The following MCFD2 variants were observed in gnomAD, a reference collection of about 807,000 sequenced individuals.
MCFD2 encodes multiple coagulation factor deficiency 2, ER cargo receptor complex subunit.
A neutral mutation model predicts 12.8 loss-of-function variants in MCFD2; 11 were observed. The ratio of observed to expected loss-of-function variants is 0.86; its 90% CI spans 0.54 to 1.42. MCFD2 has a LOEUF of 1.42. MCFD2 is among the 40% of genes most tolerant of loss of function. MCFD2 has a pLI of 0.00. For missense variants in MCFD2, 191 were observed against 178.6 expected, an observed-to-expected ratio of 1.07 and a Z score of -0.40; for synonymous variants, 70 against 68.1, an observed-to-expected ratio of 1.03 and a Z score of -0.14.
At chr2:46,928,459 T>TAA (rs35897582) in intron 1 of MCFD2, among the ~76,000 whole-genome samples, 29 of 81,978 alleles carry the variant, frequency 3.5e-4, no homozygotes, top group East Asian at 1.6e-3. Context: ...AAAGGGAAAT[T>TAA]AAAAAAAAAA....
intron 1 of MCFD2, among the ~76,000 whole-genome samples, chr2:46,930,543 A>G (rs567869163): frequency 1.4e-4 from 20 of 146,654 alleles, no homozygotes; most frequent in Non-Finnish European, 2.7e-4. Flanking sequence ...CTTGTACCCC[A>G]GGCTGGAATG....
chr2:46,924,988 G>A (rs975284470), intron 1 of MCFD2, among the ~76,000 whole-genome samples: 11 of 152,186 alleles, frequency 7.2e-5, no homozygotes, highest in African/African-American at 2.7e-4. Flanking sequence ...TGGCAAATGG[G>A]GTAGCTTGGA....
chr2:46,940,053 CGGG>C lies in MCFD2; in HGVS notation c.-8+1516_-8+1518del, dbSNP rs1670202911. Among the ~76,000 whole-genome samples the C allele has an allele frequency of 6.6e-6, 1 of 152,060 alleles. No individual in the cohort carries two copies. The highest frequency in any genetic ancestry group is 6.6e-5 in the Admixed American group (1 of 15,260). On this transcript the variant is annotated intron_variant, in intron 1 of 2. Coordinates refer to the MCFD2 transcript ENST00000409147. This position sits in a 1 kb window ranked among gnomAD's most constrained non-coding sequence, Gnocchi z 4.7. The stretch of plus-strand genomic sequence containing the variant: ...GAGAGGAGGGCCTCCACATGGGAGT[CGGG>C]GGTCAGTGGGAACAGGAAGACTGTC...
chr2:46,936,861 T>A (rs1238258295), intron 1 of MCFD2, among the ~76,000 whole-genome samples: 3 of 111,602 alleles, frequency 2.7e-5, no homozygotes, highest in Admixed American at 2.7e-4. Flanking sequence ...GATTCCAAAT[T>A]TTTTTTTTTT....
chr2:46,917,424 TCATC>T (rs1668869328), upstream of MCFD2: 3 of 564,338 alleles, frequency 5.3e-6, no homozygotes, highest in Non-Finnish European at 9.3e-6. Flanking sequence ...ATCCATCTCT[TCATC>T]CATTCATCCA....
chr2:46,915,806 G>GGGGGGGGGGGGGGC, upstream of MCFD2: 8 of 512,566 alleles, frequency 1.6e-5, no homozygotes, highest in Non-Finnish European at 1.3e-5. Context: ...CCTCGGCTTC[G>GGGGGGGGGGGGGGC]CCCCGCCCCC....
intron 3 of MCFD2, among the ~76,000 whole-genome samples, chr2:46,906,579 A>G (rs1162913309): frequency 7.3e-6 from 1 of 136,392 alleles, no homozygotes; most frequent in African/African-American, 2.8e-5. Flanking sequence ...TCGACCTCCC[A>G]GGCTCAGGTG....
chr2:46,920,176 TATTA>T (rs1448000604), upstream of MCFD2, among the ~76,000 whole-genome samples: 6 of 152,314 alleles, frequency 3.9e-5, no homozygotes, highest in Admixed American at 1.3e-4. Context: ...AAGGTATATA[TATTA>T]ATTATGTATA....
At chr2:46,939,707 A>G (rs1379220667) in intron 1 of MCFD2, among the ~76,000 whole-genome samples, 1 of 152,234 alleles carries the variant, frequency 6.6e-6, no homozygotes, top group East Asian at 1.9e-4. Flanking sequence ...CAGGAATGCC[A>G]GGCGTGGGGC....
At chr2:46,915,904 C>G (rs1182406566), upstream of MCFD2, 1 of 984,596 alleles carries the variant, frequency 1.0e-6, no homozygotes, top group African/African-American at 1.7e-5. Flanking sequence ...CGGCGGCGGG[C>G]TGTGAGGACG....
rs959728696 is a variant in MCFD2 at position 46,940,835 on chromosome 2, G to T, written c.-8+737C>A. On this transcript the variant is annotated intron_variant, in intron 1 of 2. Coordinates refer to the MCFD2 transcript ENST00000409147. This position sits in a 1 kb window ranked among gnomAD's most constrained non-coding sequence, Gnocchi z 4.7. ...GCCAGCTCCCGGGAGGCTCGCCGTC[G>T]GGGTTGGGGCCTGTCGGCCGGCCTC... Among the ~76,000 whole-genome samples, 1 of 152,136 alleles carries T rather than the reference G, an allele frequency of 6.6e-6. No individual in the cohort carries two copies. Among genetic ancestry groups the T allele is most frequent in the South Asian group, 2.1e-4 (1 of 4,834 alleles).
Position 46,941,751 on chromosome 2 carries a change from C to A in MCFD2, c.-187G>T. 1 of 1,547,314 alleles carries A rather than the reference C, an allele frequency of 6.5e-7. No individual in the cohort carries two copies. The highest frequency in any genetic ancestry group is 8.7e-7 in the Non-Finnish European group (1 of 1,145,750). ...GTGAGTAAGGGAAGAGGCTGGCTCGCCGGCAGCGAGCGCGCGAAACGCACC... is the reference window on the plus strand; with the variant it reads ...GTGAGTAAGGGAAGAGGCTGGCTCGACGGCAGCGAGCGCGCGAAACGCACC... On this transcript the variant is annotated 5_prime_UTR_variant, in exon 1 of 3. Transcript: ENST00000409147. This position sits in a 1 kb window ranked among gnomAD's most constrained non-coding sequence, Gnocchi z 4.2.
chr2:46,913,153 C>T (rs1668551745), intron 1 of MCFD2, among the ~76,000 whole-genome samples: 1 of 152,134 alleles, frequency 6.6e-6, no homozygotes, highest in Non-Finnish European at 1.5e-5. Flanking sequence ...TTGAACTTGT[C>T]TCATTTTGGT....
In MCFD2 at chr2:46,941,773, C is replaced by T; in HGVS notation, c.-209G>A. ...TCGCCGGCAGCGAGCGCGCGAAACG[C>T]ACCGCCTCCTCCAGGAAGCGCGCCC... On this transcript the variant is annotated 5_prime_UTR_variant, in exon 1 of 3. Transcript: ENST00000409147. This position sits in a 1 kb window ranked among gnomAD's most constrained non-coding sequence, Gnocchi z 4.2. 6.5e-7 allele frequency: 1 copy of T among 1,545,436 alleles called. No homozygotes were observed. Among genetic ancestry groups the T allele is most frequent in the South Asian group, 1.2e-5 (1 of 83,772 alleles).
rs751550092 is a variant in MCFD2, at chr2:46,941,612, G to C, written c.-48C>G. Reference sequence around the variant, plus strand: ...GAGCTGGAGCGCTGCCGCGCCGAGGGCCACTGGGACCGCATGCCGGAGCTG... The same window carrying C: ...GAGCTGGAGCGCTGCCGCGCCGAGGCCCACTGGGACCGCATGCCGGAGCTG... On this transcript the variant is annotated 5_prime_UTR_variant, in exon 1 of 3. Transcript: ENST00000409147. The surrounding 1 kb of genome is among the most constrained non-coding windows in gnomAD (Gnocchi z 4.2). The C allele has an allele frequency of 3.1e-5, 48 of 1,556,440 alleles. No homozygotes were observed. In the African/African-American group the frequency reaches 6.5e-4, roughly 21 times the overall value.
At chr2:46,921,183 G>C (rs1669084938) in intron 1 of MCFD2, among the ~76,000 whole-genome samples, 1 of 152,082 alleles carries the variant, frequency 6.6e-6, no homozygotes, top group South Asian at 2.1e-4. Flanking sequence ...AGCCGTTAGA[G>C]AACAAGATAT....
chr2:46,926,672 T>C (rs758133505), intron 1 of MCFD2, among the ~76,000 whole-genome samples: 11 of 152,228 alleles, frequency 7.2e-5, no homozygotes, highest in Non-Finnish European at 1.6e-4. Flanking sequence ...AATATAAAAT[T>C]ATCCTAAGCA....
At position 46,903,903 on chromosome 2, in the gene MCFD2, A is replaced by G. The variant is rs1310715135; in HGVS notation, c.*1560T>C. ...GCAGAAATTTGCATAAGTAGCAAGG[A>G]GCCTAATGTTAATCCCCAACACCAT... On this transcript the variant is annotated 3_prime_UTR_variant, in exon 4 of 4. Coordinates refer to ENST00000319466, the MANE Select transcript of MCFD2 (RefSeq NM_139279.6). The G allele has an allele frequency of 6.6e-6, 1 of 152,202 alleles. No individual in the cohort carries two copies. Among genetic ancestry groups the G allele is most frequent in the African/African-American group, 2.4e-5 (1 of 41,446 alleles). The allele number at this position is 152,202 out of a possible 1,614,324, so 9.4% of individuals were successfully genotyped here.
At position 46,941,749 on chromosome 2, in the gene MCFD2, C is replaced by CAGG; in HGVS notation, c.-186_-185insCCT. 4 of 1,547,442 alleles carry CAGG rather than the reference C, an allele frequency of 2.6e-6. No individual in the cohort carries two copies. The highest frequency in any genetic ancestry group is 3.5e-6 in the Non-Finnish European group (4 of 1,145,810). On this transcript the variant is annotated 5_prime_UTR_variant, in exon 1 of 3. Coordinates refer to the MCFD2 transcript ENST00000409147. The surrounding 1 kb of genome is among the most constrained non-coding windows in gnomAD (Gnocchi z 4.2). ...CGGTGAGTAAGGGAAGAGGCTGGCTCGCCGGCAGCGAGCGCGCGAAACGCA... is the reference window on the plus strand; with the variant it reads ...CGGTGAGTAAGGGAAGAGGCTGGCTCAGGGCCGGCAGCGAGCGCGCGAAACGCA...
Sources: allele counts gnomAD v4.1 joint callset (sites outside exome capture counted in the v4.1 genomes callset), GRCh38; gene constraint gnomAD v4.1.1; non-coding constraint Gnocchi (gnomAD v3.1); transcripts MANE v1.5; gene names NCBI Gene and HGNC (gene_info 2026-07-23, HGNC 2026-07-21).